Variants in ABR observed in about 807,000 individuals in gnomAD.
The protein encoded by ABR is ABR activator of RhoGEF and GTPase.
Under a neutral mutation model 107.2 loss-of-function variants are expected in ABR, and 35 were observed. That is an observed-to-expected ratio of 0.33 (90% CI 0.25 to 0.43). The LOEUF (loss-of-function observed/expected upper bound fraction) is 0.43. ABR is among the 20% of genes least tolerant of loss of function. The pLI is 1.00. For missense variants in ABR, 815 were observed against 1,115.2 expected (o/e 0.73, Z 3.83); for synonymous variants, 498 against 462.0 (o/e 1.08, Z -1.00).
At chr17:1,146,891 C>T (rs1277046924) in intron 1 of ABR, among the ~76,000 whole-genome samples, 7 of 144,514 alleles carry the variant, frequency 4.8e-5, no homozygotes, top group African/African-American at 1.1e-4. Flanking sequence ...ACACCACTGC[C>T]GCCACTGCCA....
chr17:1,058,147 T>TTTC, intron 11 of ABR, 102 bp from the exon 12 acceptor site: 1 of 573,398 alleles, frequency 1.7e-6, no homozygotes, highest in South Asian at 1.9e-5. Context: ...TTTTTTTTTT[T>TTTC]TTTTTTTTTG....
At chr17:1,175,933 C>T (rs1296613823) in intron 1 of ABR, among the ~76,000 whole-genome samples, 4 of 151,644 alleles carry the variant, frequency 2.6e-5, no homozygotes, top group Non-Finnish European at 4.4e-5. Context: ...CTACTAAAAA[C>T]ACAAAAAATT....
At position 1,005,124 on chromosome 17, in the gene ABR, G is replaced by A; in HGVS notation, c.*956C>T. Reference sequence around the variant, plus strand: ...TGCATTCCTCCCCCGTTCAGCCTGTGGTGTTTCCTCAGCAGCCTGACCGCC... The same window carrying A: ...TGCATTCCTCCCCCGTTCAGCCTGTAGTGTTTCCTCAGCAGCCTGACCGCC... On this transcript the variant is annotated 3_prime_UTR_variant, in exon 23 of 23. Coordinates refer to ENST00000302538, the MANE Select transcript of ABR (RefSeq NM_021962.5). 1 of 398,814 alleles carries A rather than the reference G, an allele frequency of 2.5e-6. No homozygotes were observed. The highest frequency in any genetic ancestry group is 4.4e-6 in the Non-Finnish European group (1 of 226,232). The allele number at this position is 398,814 out of a possible 1,614,324, so 24.7% of individuals were successfully genotyped here. A position where few individuals can be genotyped will look rare whatever the true frequency, so the allele number is the denominator to read the frequency against.
At position 1,037,036 on chromosome 17, in the gene ABR, C is replaced by CT. The variant is rs1197956734; in HGVS notation, c.1791+13013_1791+13014insA. ...CCATCCTTCCTTCCTTCCATCCATC[C>CT]ACCCATCCATCCATCCATCCACCCA... On this transcript the variant is annotated intron_variant, in intron 16 of 22. Transcript: ENST00000302538. The surrounding 1 kb of genome is among the most constrained non-coding windows in gnomAD (Gnocchi z 4.6). Among the ~76,000 whole-genome samples, 150 of 134,580 alleles carry CT rather than the reference C, an allele frequency of 1.1e-3. 5 individuals are homozygous for CT. The East Asian group carries it at 0.03, about 27-fold the overall frequency. 88.3% of individuals were successfully genotyped at this position (134,580 alleles called of 152,430 possible).
upstream of ABR, among the ~76,000 whole-genome samples, chr17:1,189,836 G>C (rs527531086): frequency 1.8e-4 from 27 of 152,296 alleles, no homozygotes; most frequent in African/African-American, 6.5e-4. Context: ...TTGGAGGATA[G>C]GAACCACATC....
chr17:1,094,797 A>G (rs956359044), intron 3 of ABR, among the ~76,000 whole-genome samples: 2 of 152,166 alleles, frequency 1.3e-5, no homozygotes, highest in Non-Finnish European at 2.9e-5. Context: ...GGAGGGCTGC[A>G]TGGAGGAGGC....
chr17:1,102,648 C>T (rs2037975549), intron 2 of ABR, among the ~76,000 whole-genome samples: 2 of 152,222 alleles, frequency 1.3e-5, no homozygotes, highest in South Asian at 4.1e-4. Flanking sequence ...GAAAAGCTTG[C>T]CCTAGAGCTT....
chr17:1,194,947 C>T (rs557756366), intron 1 of ABR, among the ~76,000 whole-genome samples: 9 of 145,386 alleles, frequency 6.2e-5, no homozygotes, highest in East Asian at 2.3e-4. Flanking sequence ...CCACCGCGCC[C>T]GACCCTAATT....
At chr17:1,228,757 C>T (rs1385752551) in intron 1 of ABR, 3 of 143,742 alleles carry the variant, frequency 2.1e-5, no homozygotes, top group African/African-American at 5.2e-5. Flanking sequence ...GGGGGGCGCG[C>T]GGCGGGGTCG....
At chr17:1,167,261 T>G (rs1240384141) in intron 1 of ABR, among the ~76,000 whole-genome samples, 2 of 151,962 alleles carry the variant, frequency 1.3e-5, no homozygotes. Context: ...GGATCCTCCC[T>G]GCTCCAGGAC....
rs550003097 is a variant in ABR, at chr17:1,175,217, G to T, written c.61+4450C>A. On this transcript the variant is annotated intron_variant, in intron 1 of 22. Coordinates refer to ENST00000302538, the MANE Select transcript of ABR (RefSeq NM_021962.5). ...ACCTGAGGTCAGGAGTTGGAGGCCA[G>T]CCTGGCCAACATGGTGAAACCCCGT... 2.0e-5 allele frequency among the ~76,000 whole-genome samples: 3 copies of T among 151,982 alleles called. No individual in the cohort carries two copies. The South Asian group carries it at 6.2e-4, about 32-fold the overall frequency.
chr17:1,090,082 T>C (rs1426504677), intron 4 of ABR, among the ~76,000 whole-genome samples: 8 of 152,188 alleles, frequency 5.3e-5, no homozygotes, highest in Non-Finnish European at 1.2e-4. Flanking sequence ...GAAAGCCTTC[T>C]TGGAGGAGGT....
At chr17:1,067,949 G>T (rs888212153) in intron 9 of ABR, among the ~76,000 whole-genome samples, 3 of 152,066 alleles carry the variant, frequency 2.0e-5, no homozygotes, top group Admixed American at 6.6e-5. Context: ...TTTTTATTTT[G>T]TGAGATGGAG....
At chr17:1,086,919 C>A (rs1265832701) in intron 4 of ABR, among the ~76,000 whole-genome samples, 1 of 151,648 alleles carries the variant, frequency 6.6e-6, no homozygotes, top group Non-Finnish European at 1.5e-5. Context: ...CCAGCCTGGA[C>A]AACATAGCAA....
chr17:1,228,645 A>T (rs1483239345), intron 1 of ABR: 1 of 152,012 alleles, frequency 6.6e-6, no homozygotes, highest in African/African-American at 2.4e-5. Context: ...TTTGGGGTAC[A>T]CGGGCGCAGC....
chr17:1,009,169 C>T (rs537382502), intron 21 of ABR, among the ~76,000 whole-genome samples: 1 of 59,644 alleles, frequency 1.7e-5, no homozygotes, highest in African/African-American at 4.4e-5. Flanking sequence ...GCTGTCTGTC[C>T]CCCACTGCTG....
chr17:1,105,252 C>T (rs538274241), intron 2 of ABR, among the ~76,000 whole-genome samples: 2 of 152,030 alleles, frequency 1.3e-5, no homozygotes, highest in Admixed American at 6.6e-5. Context: ...CATGATCCAC[C>T]GCGCCCAGTC....
intron 16 of ABR, among the ~76,000 whole-genome samples, chr17:1,018,771 C>T (rs753110460): frequency 6.6e-5 from 10 of 152,212 alleles, no homozygotes; most frequent in African/African-American, 1.4e-4. Context: ...GGACTTATCT[C>T]GAGCTCTTCC....
intron 16 of ABR, among the ~76,000 whole-genome samples, chr17:1,018,225 G>T (rs1321249732): frequency 6.6e-6 from 1 of 151,706 alleles, no homozygotes; most frequent in Non-Finnish European, 1.5e-5. Flanking sequence ...TGTATTTTTA[G>T]TAGAGACGGG....
Sources: gnomAD v4.1 joint callset for allele counts (sites outside exome capture counted in the v4.1 genomes callset) on GRCh38, gnomAD v4.1.1 for gene constraint, Gnocchi (gnomAD v3.1) non-coding constraint, MANE v1.5 for transcripts, NCBI Gene and HGNC (gene_info 2026-07-23, HGNC 2026-07-21) for gene names.